TUT1: variants seen among roughly 807,000 people sequenced by gnomAD.
The protein encoded by TUT1 is terminal uridylyl transferase 1, U6 snRNA-specific.
A neutral mutation model predicts 48.8 loss-of-function variants in TUT1; 26 were observed. The ratio of observed to expected loss-of-function variants is 0.53; its 90% CI spans 0.39 to 0.74. The LOEUF is 0.74. Among genes scored for constraint, TUT1 ranks in the 30% least tolerant of loss-of-function variants. TUT1 has a pLI of 0.00. For missense variants in TUT1, 1,065 were observed against 1,114.8 expected, an observed-to-expected ratio of 0.96 and a Z score of 0.64; for synonymous variants, 470 against 460.8, an observed-to-expected ratio of 1.02 and a Z score of -0.26.
At chr11:62,583,163 T>TA (rs1941859518) in intron 2 of TUT1, among the ~76,000 whole-genome samples, 1 of 147,272 alleles carries the variant, frequency 6.8e-6, no homozygotes, top group South Asian at 2.1e-4. Context: ...ATTCATGTAA[T>TA]AAACACTGTG....
Position 62,576,050 on chromosome 11 carries a change from T to C in TUT1, c.1669A>G (p.Ser557Gly). 6.2e-7 allele frequency: 1 copy of C among 1,613,884 alleles called. No homozygotes were observed. The highest frequency in any genetic ancestry group is 8.5e-7 in the Non-Finnish European group (1 of 1,180,038). Reference protein sequence around the residue: ...LSHNVAANVTSRVAGRLQNCC... With the variant: ...LSHNVAANVTGRVAGRLQNCC... ...TTCTGTAGGCGCCCAGCCACCCGGC[T>C]GGTCACATTGGCTGCGACATTGTGA... The change falls in exon 9 of 9, where the codon AGC (serine) becomes GGC (glycine). Residue 557 changes from serine to glycine, a missense_variant. By Grantham distance (56) the Ser-to-Gly change is moderately conservative. Transcript: ENST00000476907.
At chr11:62,590,006 C>T (rs1050557139) in intron 1 of TUT1, among the ~76,000 whole-genome samples, 1 of 152,214 alleles carries the variant, frequency 6.6e-6, no homozygotes, top group Non-Finnish European at 1.5e-5. Flanking sequence ...GTCTGGTACA[C>T]GGTAAATGTT....
intron 2 of TUT1, among the ~76,000 whole-genome samples, chr11:62,583,641 G>C (rs1298236315): frequency 6.6e-6 from 1 of 152,110 alleles, no homozygotes; most frequent in South Asian, 2.1e-4. Context: ...AAACAGGACT[G>C]CTTTAGGCAA....
chr11:62,587,275 G>A (rs1338788743), intron 2 of TUT1, among the ~76,000 whole-genome samples: 6 of 152,090 alleles, frequency 3.9e-5, no homozygotes, highest in African/African-American at 7.2e-5. Context: ...TCCGCCTCCC[G>A]GGTTCAAGCG....
rs763430274 is a variant in TUT1, at chr11:62,578,652, G to A, written c.1069C>T (p.Arg357Ter). 1.4e-5 allele frequency: 23 copies of A among 1,614,230 alleles called. No homozygotes were observed. In the African/African-American group the frequency reaches 1.6e-4, roughly 11 times the overall value. ...CGGGCAGAGGGCACAGTTTGGACTCGATACACCCCAGGGACACAGCCCCGG... is the reference window on the plus strand; with the variant it reads ...CGGGCAGAGGGCACAGTTTGGACTCAATACACCCCAGGGACACAGCCCCGG... ...ILRGCVPGVYRVQTVPSARRP... is the reference protein window; with the variant it reads ...ILRGCVPGVY Residue 357 changes from arginine (R) to a stop codon, truncating the protein, a stop_gained, in exon 5 of 9, where the codon CGA becomes TGA. Coordinates refer to ENST00000476907, the MANE Select transcript of TUT1 (RefSeq NM_022830.3). LOFTEE classifies it high-confidence loss of function.
Position 62,576,036 on chromosome 11 carries a change from C to T in TUT1, c.1683G>A (p.Gly561=). 1 of 1,613,824 alleles carries T rather than the reference C, an allele frequency of 6.2e-7. No homozygotes were observed. The highest frequency in any genetic ancestry group is 1.3e-5 in the African/African-American group (1 of 75,064). ...VAANVTSRVA[G]RLQNCCRAAA... Reference sequence around the variant, plus strand: ...CTGCTCGGCAGCAGTTCTGTAGGCGCCCAGCCACCCGGCTGGTCACATTGG... The same window carrying T: ...CTGCTCGGCAGCAGTTCTGTAGGCGTCCAGCCACCCGGCTGGTCACATTGG... Residue 561 remains glycine, a synonymous_variant, in exon 9 of 9, where the codon GGG becomes GGA. Transcript: ENST00000476907.
intron 2 of TUT1, among the ~76,000 whole-genome samples, chr11:62,585,362 C>T (rs1941894668): frequency 6.6e-6 from 1 of 152,186 alleles, no homozygotes; most frequent in Admixed American, 6.5e-5. Flanking sequence ...TGGACCTGCC[C>T]AGGCCAGTCT....
At position 62,575,199 on chromosome 11, in the gene TUT1, G is replaced by GTCAGCC; in HGVS notation, c.2514_2519dup (p.Ala839_Asp840insGluAla). The GTCAGCC allele has an allele frequency of 6.2e-7, 1 of 1,612,462 alleles. No individual in the cohort carries two copies. The highest frequency in any genetic ancestry group is 1.3e-5 in the African/African-American group (1 of 75,040). ...GGAGCGGGGTCACAGTGAGCATTCG[G>GTCAGCC]TCAGCCGGGGAGACAGACGCCACAA... is the stretch of plus-strand genomic sequence containing the variant. On this transcript the variant is annotated inframe_insertion, in exon 9 of 9. Transcript: ENST00000476907.
At chr11:62,587,901 T>C (rs1941946598) in intron 2 of TUT1, among the ~76,000 whole-genome samples, 1 of 152,222 alleles carries the variant, frequency 6.6e-6, no homozygotes, top group South Asian at 2.1e-4. Flanking sequence ...AGCTTGTTTA[T>C]CTAACACTCT....
Position 62,581,191 on chromosome 11 carries a change from G to A in TUT1, c.605C>T (p.Pro202Leu), listed in dbSNP as rs1941818897. Residue 202 changes from proline (P) to leucine (L), a missense_variant, in exon 4 of 9, where the codon CCT becomes CTT. Transcript: ENST00000476907. ...TEFFPGCVVHPFGSSINSFDV... is the reference protein window; with the variant it reads ...TEFFPGCVVHLFGSSINSFDV... ...GAAGCTATTTATGGAAGAGCCAAAA[G>A]GGTGGACCACACAGCCTGGGTGCCG... 3 of 1,614,064 alleles carry A rather than the reference G, an allele frequency of 1.9e-6. No homozygotes were observed. Among genetic ancestry groups the A allele is most frequent in the Non-Finnish European group, 2.5e-6 (3 of 1,180,046 alleles).
At chr11:62,588,486 A>G (rs1362294655) in intron 2 of TUT1, among the ~76,000 whole-genome samples, 1 of 152,166 alleles carries the variant, frequency 6.6e-6, no homozygotes, top group East Asian at 1.9e-4. Context: ...CCCAGGAGGT[A>G]GACGTCACAG....
intron 2 of TUT1, among the ~76,000 whole-genome samples, chr11:62,585,375 T>C (rs1235397287): frequency 6.6e-6 from 1 of 152,218 alleles, no homozygotes; most frequent in African/African-American, 2.4e-5. Flanking sequence ...GCCAGTCTTC[T>C]GACTCTAATA....
rs558437450 is a variant in TUT1 at position 62,576,745 on chromosome 11, C to T, written c.1386G>A (p.Glu462=). Residue 462 remains glutamate, a synonymous_variant, in exon 8 of 9, where the codon GAG becomes GAA. Transcript: ENST00000476907. ...AGCCATCGACTTCCACCTGTTCCCC[C>T]TCTCCTGTGAAAGTAAATAAGGTGA... is the stretch of plus-strand genomic sequence containing the variant. ...TVSQLTQKAG[E]GEQVEVDGWD... The T allele has an allele frequency of 1.2e-6, 2 of 1,614,164 alleles. No homozygotes were observed. The highest frequency in any genetic ancestry group is 1.7e-6 in the Non-Finnish European group (2 of 1,180,016).
chr11:62,591,287 G>C, intron 1 of TUT1, 117 bp downstream of exon 1: 1 of 1,411,858 alleles, frequency 7.1e-7, no homozygotes, highest in Non-Finnish European at 9.2e-7. Context: ...ACGGAGGTGA[G>C]AGACCCTACC....
At chr11:62,581,342 C>G (rs767940405) in intron 3 of TUT1, 44 bp downstream of exon 3, 1 of 1,571,256 alleles carries the variant, frequency 6.4e-7, no homozygotes, top group Non-Finnish European at 8.6e-7. Context: ...CACAGGAGAG[C>G]AAAGGCCAGG....
rs1269334495 is a variant in TUT1 at position 62,575,140 on chromosome 11, T to A, written c.2579A>T (p.His860Leu). The A allele has an allele frequency of 3.8e-6, 6 of 1,589,118 alleles. No individual in the cohort carries two copies. The highest frequency in any genetic ancestry group is 2.3e-5 in the South Asian group (2 of 88,866). Reference protein sequence around the residue: ...DPQGLFPDLHHFLQVFLPQAI... With the variant: ...DPQGLFPDLHLFLQVFLPQAI... The stretch of plus-strand genomic sequence containing the variant: ...TTGAGGGAGGAAAACCTGTAAGAAA[T>A]GATGGAGATCAGGGAACAGGCCTTG... The change falls in exon 9 of 9, where the codon CAT becomes CTT. Residue 860 changes from histidine to leucine, a missense_variant. Physicochemically the swap from His to Leu is moderately conservative, Grantham distance 99 (BLOSUM62 -3). Transcript: ENST00000476907.
chr11:62,580,967 C>G (rs556629516), intron 4 of TUT1, 139 bp downstream of exon 4: 3 of 679,910 alleles, frequency 4.4e-6, no homozygotes, highest in African/African-American at 3.6e-5. Context: ...TCTCCAATTA[C>G]AATAAACTCT....
intron 2 of TUT1, chr11:62,582,489 G>A (rs2134309722): frequency 2.6e-6 from 1 of 388,892 alleles, no homozygotes; most frequent in Non-Finnish European, 5.2e-6. Context: ...CCAATTACTT[G>A]GGAGGCTATG....
Position 62,577,228 on chromosome 11 carries a change from G to C in TUT1, c.1224C>G (p.Pro408=), listed in dbSNP as rs1388699388. The C allele has an allele frequency of 2.5e-6, 4 of 1,611,510 alleles. No homozygotes were observed. The highest frequency in any genetic ancestry group is 2.5e-6 in the Non-Finnish European group (3 of 1,179,268). The change falls in exon 6 of 9, where the codon CCC becomes CCG. Residue 408 remains proline, a synonymous_variant. Coordinates refer to ENST00000476907, the MANE Select transcript of TUT1 (RefSeq NM_022830.3). ...CCCAGCAGCGGAGGGTGTACACGAG[G>C]GGCCGGACTCGACCATCCAGCTCAG... ...LCSELDGRVR[P]LVYTLRCWAQ...
Sources: gnomAD v4.1 joint callset for allele counts (sites outside exome capture counted in the v4.1 genomes callset) on GRCh38, gnomAD v4.1.1 for gene constraint, MANE v1.5 for transcripts, NCBI Gene and HGNC (gene_info 2026-07-23, HGNC 2026-07-21) for gene names.